Variants in STPG2 observed in about 807,000 individuals in gnomAD.
STPG2 encodes the protein sperm tail PG-rich repeat containing 2.
Under a neutral mutation model 54.2 loss-of-function variants are expected in STPG2, and 56 were observed. The ratio of observed to expected loss-of-function variants is 1.03; its 90% CI spans 0.83 to 1.29. The LOEUF is 1.29. Ranked by LOEUF, STPG2 falls within the 50% of genes most tolerant of loss-of-function variation. STPG2 has a pLI of 0.00. For missense variants in STPG2, 596 were observed against 544.9 expected (o/e 1.09, Z -0.93); for synonymous variants, 200 against 181.8 (o/e 1.10, Z -0.81).
intron 9 of STPG2, among the ~76,000 whole-genome samples, chr4:97,794,733 C>T (rs1008189472): frequency 6.6e-6 from 1 of 152,058 alleles, no homozygotes; most frequent in Non-Finnish European, 1.5e-5. Context: ...GAAGTTCTTT[C>T]TGTGTTCCAA....
chr4:97,482,531 T>C (rs887474095), intron 4 of STPG2, among the ~76,000 whole-genome samples: 1 of 151,506 alleles, frequency 6.6e-6, no homozygotes, highest in Non-Finnish European at 1.5e-5. Context: ...TAAGAAAATA[T>C]GTACAAAGCC....
chr4:97,703,047 G>A (rs899861112), intron 10 of STPG2, among the ~76,000 whole-genome samples: 2 of 152,042 alleles, frequency 1.3e-5, no homozygotes, highest in African/African-American at 4.8e-5. Context: ...GAAGTTTGGA[G>A]CAACCAACCA....
At chr4:97,579,366 TA>T (rs1327885490) in intron 10 of STPG2, among the ~76,000 whole-genome samples, 1 of 151,990 alleles carries the variant, frequency 6.6e-6, no homozygotes, top group Non-Finnish European at 1.5e-5. Context: ...GAAAGCATCT[TA>T]AAAAATTTTC....
At chr4:97,851,897 CT>C (rs1729170228) in intron 8 of STPG2, among the ~76,000 whole-genome samples, 1 of 152,200 alleles carries the variant, frequency 6.6e-6, no homozygotes, top group African/African-American at 2.4e-5. Context: ...TATAACCTTT[CT>C]CTTCCAGCAA....
intron 5 of STPG2, among the ~76,000 whole-genome samples, chr4:97,992,857 G>T (rs1347847477): frequency 6.6e-6 from 1 of 151,974 alleles, no homozygotes; most frequent in African/African-American, 2.4e-5. Context: ...TTGTAAAAGG[G>T]TTGAGTCTTG....
intron 4 of STPG2, among the ~76,000 whole-genome samples, chr4:97,494,831 G>A (rs531071908): frequency 5.3e-5 from 8 of 151,570 alleles, no homozygotes; most frequent in African/African-American, 1.7e-4. Flanking sequence ...TACACAATGT[G>A]ACATTAGCAT....
At chr4:97,858,603 T>C (rs2149137890) in intron 8 of STPG2, among the ~76,000 whole-genome samples, 1 of 152,272 alleles carries the variant, frequency 6.6e-6, no homozygotes, top group Admixed American at 6.5e-5. Flanking sequence ...TTCTTATCCC[T>C]TTGTGTCCTC....
At chr4:97,704,344 C>G (rs1026969104) in intron 10 of STPG2, among the ~76,000 whole-genome samples, 1 of 152,124 alleles carries the variant, frequency 6.6e-6, no homozygotes, top group Non-Finnish European at 1.5e-5. Context: ...TATTCCGATA[C>G]AAGAAATACT....
At chr4:97,871,042 T>C (rs570870989) in intron 8 of STPG2, among the ~76,000 whole-genome samples, 15 of 150,912 alleles carry the variant, frequency 9.9e-5, no homozygotes, top group African/African-American at 2.2e-4. Flanking sequence ...CATCCAAAAT[T>C]TAAAGAACGT....
chr4:97,915,411 C>G (rs1416645675), intron 8 of STPG2, among the ~76,000 whole-genome samples: 1 of 152,016 alleles, frequency 6.6e-6, no homozygotes, highest in Non-Finnish European at 1.5e-5. Flanking sequence ...GCACTGAGAC[C>G]TTAAGTAACC....
intron 8 of STPG2, among the ~76,000 whole-genome samples, chr4:97,862,329 A>C (rs547914975): frequency 6.6e-6 from 1 of 152,144 alleles, no homozygotes; most frequent in Non-Finnish European, 1.5e-5. Context: ...TAAACCAACA[A>C]AGATCAAAAG....
At chr4:97,475,690 A>T (rs1468763753) in intron 4 of STPG2, among the ~76,000 whole-genome samples, 1 of 152,016 alleles carries the variant, frequency 6.6e-6, no homozygotes, top group Non-Finnish European at 1.5e-5. Flanking sequence ...TTCACTGTTA[A>T]TTGCTCTGCT....
intron 5 of STPG2, among the ~76,000 whole-genome samples, chr4:98,047,694 C>A (rs1737179602): frequency 6.6e-6 from 1 of 152,062 alleles, no homozygotes; most frequent in African/African-American, 2.4e-5. Context: ...CTTTGAAAGA[C>A]AAGCTGAAGA....
chr4:97,579,722 C>T (rs1276577638), intron 10 of STPG2, among the ~76,000 whole-genome samples: 1 of 152,008 alleles, frequency 6.6e-6, no homozygotes, highest in Non-Finnish European at 1.5e-5. Flanking sequence ...GATCTACATT[C>T]ATTAAGTTCA....
intron 9 of STPG2, among the ~76,000 whole-genome samples, chr4:97,757,181 G>A (rs1725756426): frequency 6.6e-6 from 1 of 152,102 alleles, no homozygotes; most frequent in Non-Finnish European, 1.5e-5. Context: ...TGAAAACTTG[G>A]TATGGTCCCT....
At chr4:97,810,147 A>G (rs1727690312) in intron 9 of STPG2, among the ~76,000 whole-genome samples, 1 of 152,190 alleles carries the variant, frequency 6.6e-6, no homozygotes, top group Non-Finnish European at 1.5e-5. Context: ...CCATATTTAC[A>G]TATGGACTAA....
intron 8 of STPG2, among the ~76,000 whole-genome samples, chr4:97,843,952 A>C (rs1248115078): frequency 1.3e-5 from 2 of 151,828 alleles, no homozygotes. Flanking sequence ...TTTGTATGAA[A>C]AGGATTCAGA....
intron 4 of STPG2, among the ~76,000 whole-genome samples, chr4:97,546,014 A>G (rs913277819): frequency 4.6e-5 from 7 of 152,040 alleles, no homozygotes; most frequent in African/African-American, 7.2e-5. Flanking sequence ...TAATACCTCA[A>G]TTTTGAATCA....
intron 5 of STPG2, among the ~76,000 whole-genome samples, chr4:98,098,009 A>T (rs1438533436): frequency 6.6e-6 from 1 of 152,140 alleles, no homozygotes; most frequent in Non-Finnish European, 1.5e-5. Flanking sequence ...TTGTTCATCG[A>T]TTGGAAGAAT....
Sources: gnomAD v4.1 joint callset for allele counts (sites outside exome capture counted in the v4.1 genomes callset) on GRCh38, gnomAD v4.1.1 for gene constraint, MANE v1.5 for transcripts, NCBI Gene and HGNC (gene_info 2026-07-23, HGNC 2026-07-21) for gene names.